NPHP4: variants seen among roughly 807,000 people sequenced by gnomAD.
NPHP4 encodes the protein nephrocystin-4.
A neutral mutation model predicts 155.8 loss-of-function variants in NPHP4; 151 were observed. That is an observed-to-expected ratio of 0.97 (90% confidence interval 0.85 to 1.11). The LOEUF (loss-of-function observed/expected upper bound fraction) is 1.11, where lower values mean the gene tolerates loss of function less well. NPHP4 is among the 50% of genes least tolerant of loss of function. NPHP4 has a pLI of 0.00. For missense variants in NPHP4, 1,956 were observed against 1,925.7 expected (o/e 1.02, Z -0.29); for synonymous variants, 845 against 816.8 (o/e 1.03, Z -0.59).
chr1:5,920,204 T>C (rs565099652), intron 11 of NPHP4, among the ~76,000 whole-genome samples: 17 of 152,316 alleles, frequency 1.1e-4, no homozygotes, highest in African/African-American at 4.1e-4. Context: ...GTGCTGGGAT[T>C]ACAGGCATGA....
In NPHP4 at chr1:5,927,663, G is replaced by T. The variant is rs534853218; in HGVS notation, c.1427C>A (p.Pro476His). The change falls in exon 11 of 30, where the codon CCC becomes CAC. Residue 476 changes from proline to histidine, a missense_variant. Transcript: ENST00000378156. ...KVERRPSRKP[P>H]TSPSSPPAPV... ...GAAACACTTACTCGAAGGGGACGTG[G>T]GTGGTTTCCTGGAAGGCCGCCGCTC... 5.0e-5 allele frequency: 80 copies of T among 1,611,394 alleles called. No homozygotes were observed. The South Asian group carries it at 8.6e-4, about 17-fold the overall frequency.
chr1:5,896,187 G>T (rs1001394972), intron 16 of NPHP4, among the ~76,000 whole-genome samples: 1 of 152,242 alleles, frequency 6.6e-6, no homozygotes, highest in African/African-American at 2.4e-5. Flanking sequence ...AGGCTGGGCA[G>T]GGGGAGGAGC....
intron 19 of NPHP4, chr1:5,877,563 A>G (rs1570162880): frequency 5.8e-6 from 2 of 342,882 alleles, no homozygotes; most frequent in East Asian, 8.8e-5. Context: ...AACGCTGTCA[A>G]CACACCACCA....
intron 19 of NPHP4, among the ~76,000 whole-genome samples, chr1:5,878,325 C>A (rs1326524800): frequency 1.3e-5 from 2 of 152,250 alleles, no homozygotes; most frequent in Non-Finnish European, 2.9e-5. Context: ...TTAACGCCGG[C>A]AAACTGCTCT....
Position 5,873,324 on chromosome 1 carries a change from C to A in NPHP4, c.3243G>T (p.Gly1081=). The change falls in exon 23 of 30, where the codon GGG becomes GGT. Residue 1081 remains glycine (G), a synonymous_variant. Transcript: ENST00000378156. Reference sequence around the variant, plus strand: ...CGTCCATGCCCTTCTCGTTGCTCAACCCAGGAGAGGCCTGCAGGAACCGAA... The same window carrying A: ...CGTCCATGCCCTTCTCGTTGCTCAAACCAGGAGAGGCCTGCAGGAACCGAA... The part of the protein sequence containing the change: ...GQLAMVQASP[G]LSNEKGMDAV... 6.2e-7 allele frequency: 1 copy of A among 1,613,844 alleles called. No homozygotes were observed. Among genetic ancestry groups the A allele is most frequent in the Non-Finnish European group, 8.5e-7 (1 of 1,179,750 alleles).
Position 5,867,798 on chromosome 1 carries a change from G to A in NPHP4, c.3414C>T (p.His1138=). ...CCTTCTTCAGGAAGGAGAGCTCCGG[G>A]TGATAGAAGCGGAAGACCTGGTCCA... ...HVVDQVFRFY[H]PELSFLKKAI... is the part of the protein sequence containing the mutation. The change falls in exon 24 of 30, where the codon CAC becomes CAT. Residue 1138 remains histidine (H), a synonymous_variant. Transcript: ENST00000378156. This position sits in a 1 kb window ranked among gnomAD's most constrained non-coding sequence, Gnocchi z 4.1. 1 of 1,613,038 alleles carries A rather than the reference G, an allele frequency of 6.2e-7. No homozygotes were observed.
chr1:5,912,318 C>T (rs1645220391), intron 11 of NPHP4, among the ~76,000 whole-genome samples: 2 of 152,118 alleles, frequency 1.3e-5, no homozygotes, highest in South Asian at 4.1e-4. Context: ...GCGGGTGGAT[C>T]ACAAGGTCAG....
chr1:5,947,137 G>C lies in NPHP4; in HGVS notation c.1086C>G (p.Tyr362Ter), dbSNP rs762252256. 6.2e-7 allele frequency: 1 copy of C among 1,613,948 alleles called. No individual in the cohort carries two copies. The highest frequency in any genetic ancestry group is 1.1e-5 in the South Asian group (1 of 91,084). ...PAFAVIFQLE[Y>*]VFSSPAGVDG... is the part of the protein sequence containing the mutation. Reference sequence around the variant, plus strand: ...CCACTCCTGCAGGGCTGCTGAACACGTACTCCAGCTGGAAGATGACCGCAA... The same window carrying C: ...CCACTCCTGCAGGGCTGCTGAACACCTACTCCAGCTGGAAGATGACCGCAA... Residue 362 changes from tyrosine (Y) to a stop codon, truncating the protein, a stop_gained, in exon 9 of 30, where the codon TAC (tyrosine) becomes TAG (stop). Transcript: ENST00000378156. LOFTEE classifies it high-confidence loss of function.
intron 10 of NPHP4, 74 bp from the exon 11 acceptor site, chr1:5,927,861 C>T: frequency 6.7e-7 from 1 of 1,483,878 alleles, no homozygotes; most frequent in Non-Finnish European, 9.2e-7. Flanking sequence ...CAACCAGGAA[C>T]AGCAGGCTCT....
chr1:5,866,235 G>T, intron 26 of NPHP4, 138 bp downstream of exon 26: 1 of 713,592 alleles, frequency 1.4e-6, no homozygotes, highest in Non-Finnish European at 2.6e-6. Context: ...GCAGAATCCC[G>T]CCTCACAAAG....
In NPHP4 at chr1:5,978,275, T is replaced by C. The variant is rs762383978; in HGVS notation, c.274A>G (p.Asn92Asp). The C allele has an allele frequency of 2.3e-5, 37 of 1,605,888 alleles. No individual in the cohort carries two copies. The East Asian group carries it at 6.9e-4, about 30-fold the overall frequency. ...TKRPPSRIVFNEPLYFHTSLN... is the reference protein window; with the variant it reads ...TKRPPSRIVFDEPLYFHTSLN... ...CCACCATCACCAGGGCCCACCTCAT[T>C]AAAGACGATCCTGGACGGCGGTCTC... Residue 92 changes from asparagine (N) to aspartate (D), a missense_variant, in exon 3 of 30, where the codon AAT becomes GAT. Physicochemically the swap from Asn to Asp is conservative, Grantham distance 23 (BLOSUM62 1). Transcript: ENST00000378156.
chr1:5,871,035 T>C (rs1641949024), intron 23 of NPHP4, among the ~76,000 whole-genome samples: 1 of 152,230 alleles, frequency 6.6e-6, no homozygotes, highest in Non-Finnish European at 1.5e-5. Context: ...ACAGTGGCCT[T>C]ATTTTCAAGA....
At chr1:5,927,554 G>C (rs990109487) in intron 11 of NPHP4, 95 bp downstream of exon 11, 11 of 1,276,820 alleles carry the variant, frequency 8.6e-6, no homozygotes, top group Middle Eastern at 2.0e-4. Context: ...TACAAATGTG[G>C]TGATTACCGT....
intron 2 of NPHP4, among the ~76,000 whole-genome samples, chr1:5,984,960 A>G (rs142940392): frequency 3.6e-4 from 55 of 152,258 alleles, no homozygotes; most frequent in African/African-American, 1.3e-3. Flanking sequence ...CGTCTATAAA[A>G]CGGGAGTAAG....
At chr1:5,887,189 T>C in intron 18 of NPHP4, 97 bp downstream of exon 18, 1 of 1,178,114 alleles carries the variant, frequency 8.5e-7, no homozygotes, top group Non-Finnish European at 1.2e-6. Context: ...CCTGGGCCCG[T>C]GAAGCCCATG....
At chr1:5,888,741 G>C in intron 17 of NPHP4, 4 of 560,870 alleles carry the variant, frequency 7.1e-6, no homozygotes, top group Non-Finnish European at 8.6e-6. Flanking sequence ...CTGGTTTAAA[G>C]GCTGACACAC....
intron 7 of NPHP4, among the ~76,000 whole-genome samples, chr1:5,949,370 A>ACACACACACACACACACACACACACC (rs55949618): frequency 6.7e-6 from 1 of 149,146 alleles, no homozygotes; most frequent in South Asian, 2.1e-4. Flanking sequence ...ACACACACAC[A>ACACACACACACACACACACACACACC]ACTTGCTAAC....
intron 16 of NPHP4, among the ~76,000 whole-genome samples, chr1:5,893,510 T>A (rs1644247318): frequency 6.6e-6 from 1 of 152,214 alleles, no homozygotes; most frequent in Non-Finnish European, 1.5e-5. Context: ...TATTTCTGCA[T>A]ATCAGAGACT....
intron 2 of NPHP4, among the ~76,000 whole-genome samples, chr1:5,983,677 GA>G (rs1209408305): frequency 6.6e-6 from 1 of 152,150 alleles, no homozygotes; most frequent in African/African-American, 2.4e-5. Flanking sequence ...AGTCCTCTTA[GA>G]GACTCTTCAA....
Sources: gnomAD v4.1 joint callset for allele counts (sites outside exome capture counted in the v4.1 genomes callset) on GRCh38, gnomAD v4.1.1 for gene constraint, Gnocchi (gnomAD v3.1) non-coding constraint, MANE v1.5 for transcripts, NCBI Gene and HGNC (gene_info 2026-07-23, HGNC 2026-07-21) for gene names.